Variants in PLPP4 observed in about 807,000 individuals in gnomAD.
PLPP4 encodes phospholipid phosphatase 4, also known as diacylglycerol pyrophosphate like 2.
Under a neutral mutation model 32.2 loss-of-function variants are expected in PLPP4, and 20 were observed. The ratio of observed to expected loss-of-function variants is 0.62; its 90% CI spans 0.44 to 0.90. The LOEUF is 0.90. PLPP4 is among the 40% of genes least tolerant of loss of function. PLPP4 has a pLI of 0.00. For missense variants in PLPP4, 257 were observed against 353.1 expected (o/e 0.73, Z 2.18); for synonymous variants, 127 against 133.0 (o/e 0.95, Z 0.31).
Position 120,575,234 on chromosome 10 carries a change from C to T in PLPP4, c.549C>T (p.Ile183=). The change falls in exon 6 of 7, where the codon ATC becomes ATT. Residue 183 remains isoleucine (I), a synonymous_variant. Transcript: ENST00000398250. ...RGKSWRLCAA[I]LPLYCAMMIA... is the part of the protein sequence containing the mutation. ...AGAGCTGGCGGCTCTGTGCTGCCAT[C>T]CTGCCCTTGTACTGCGCCATGATGA... The T allele has an allele frequency of 6.2e-7, 1 of 1,614,140 alleles. No individual in the cohort carries two copies. Among genetic ancestry groups the T allele is most frequent in the Non-Finnish European group, 8.5e-7 (1 of 1,180,034 alleles).
chr10:120,571,953 A>G (rs1848960180), intron 5 of PLPP4, among the ~76,000 whole-genome samples: 1 of 152,202 alleles, frequency 6.6e-6, no homozygotes, highest in Admixed American at 6.5e-5. Flanking sequence ...TTGGAGCCTC[A>G]TTGTGTAACT....
At chr10:120,531,634 A>T (rs1405438385) in intron 5 of PLPP4, among the ~76,000 whole-genome samples, 2 of 151,822 alleles carry the variant, frequency 1.3e-5, no homozygotes, top group East Asian at 1.9e-4. Context: ...TTTGAAGTTC[A>T]TTTTTTTCAT....
intron 5 of PLPP4, among the ~76,000 whole-genome samples, chr10:120,521,317 A>C (rs1242555457): frequency 1.3e-5 from 2 of 152,174 alleles, no homozygotes; most frequent in East Asian, 1.9e-4. Context: ...TGTTGCTTTC[A>C]TGAGCTTGGC....
intron 1 of PLPP4, among the ~76,000 whole-genome samples, chr10:120,470,736 A>T (rs563937459): frequency 1.3e-5 from 2 of 152,008 alleles, no homozygotes; most frequent in East Asian, 3.9e-4. Flanking sequence ...TTGTAATTTC[A>T]TAGTATTTTT....
chr10:120,557,617 G>T (rs949045530), intron 5 of PLPP4, among the ~76,000 whole-genome samples: 2 of 152,082 alleles, frequency 1.3e-5, no homozygotes, highest in African/African-American at 4.8e-5. Context: ...GCTATGTAAA[G>T]CCTCCCTAAT....
At chr10:120,457,819 A>G (rs1847860422) in intron 1 of PLPP4, among the ~76,000 whole-genome samples, 1 of 151,604 alleles carries the variant, frequency 6.6e-6, no homozygotes, top group African/African-American at 2.4e-5. Flanking sequence ...CCCTGGCTTT[A>G]GCGCCCGCGG....
chr10:120,507,402 T>A (rs143625235), intron 2 of PLPP4, among the ~76,000 whole-genome samples: 359 of 151,968 alleles, frequency 2.4e-3, no homozygotes, highest in African/African-American at 8.0e-3. Flanking sequence ...ATCATCATCA[T>A]CAACAACAGT....
chr10:120,570,253 G>A (rs1269305490), intron 5 of PLPP4, among the ~76,000 whole-genome samples: 2 of 151,946 alleles, frequency 1.3e-5, no homozygotes. Flanking sequence ...AGGCAGGCTT[G>A]TTTCCCACAT....
intron 6 of PLPP4, among the ~76,000 whole-genome samples, chr10:120,584,510 C>T (rs1057439433): frequency 1.3e-5 from 2 of 152,184 alleles, no homozygotes; most frequent in Admixed American, 1.3e-4. Context: ...ATCAGTGCTA[C>T]GTAAGGAGAC....
chr10:120,490,584 G>A (rs1186913459), intron 1 of PLPP4, among the ~76,000 whole-genome samples: 2 of 152,234 alleles, frequency 1.3e-5, no homozygotes, highest in Non-Finnish European at 1.5e-5. Context: ...ATCATGGGCT[G>A]TATTTGTGGC....
At position 120,591,330 on chromosome 10, in the gene PLPP4, C is replaced by T. The variant is rs1372272938; in HGVS notation, c.*1828C>T. On this transcript the variant is annotated 3_prime_UTR_variant, in exon 7 of 7. Transcript: ENST00000398250. ...CTTTGGCACGGTCATGTGATTGTCC[C>T]CTGGATGGAGTGGGAGAGGGGGAGG... 6.6e-6 allele frequency among the ~76,000 whole-genome samples: 1 copy of T among 152,030 alleles called. No homozygotes were observed. The highest frequency in any genetic ancestry group is 1.9e-4 in the East Asian group (1 of 5,186).
In PLPP4 at chr10:120,457,232, G is replaced by C. The variant is rs1375133807; in HGVS notation, c.-74G>C. ...CCTCCCTCGCCTCCCAGGGTCTGGCGAGCCGGCGCCGGCCGAGCTGCGGGA... is the reference window on the plus strand; with the variant it reads ...CCTCCCTCGCCTCCCAGGGTCTGGCCAGCCGGCGCCGGCCGAGCTGCGGGA... On this transcript the variant is annotated 5_prime_UTR_variant, in exon 1 of 7. Coordinates refer to ENST00000398250, the MANE Select transcript of PLPP4 (RefSeq NM_001030059.3). 1 of 1,277,482 alleles carries C rather than the reference G, an allele frequency of 7.8e-7. No homozygotes were observed. The highest frequency in any genetic ancestry group is 1.0e-6 in the Non-Finnish European group (1 of 975,048). 79.1% of individuals were successfully genotyped at this position (1,277,482 alleles called of 1,614,324 possible). A position where few individuals can be genotyped will look rare whatever the true frequency, so the allele number is the denominator to read the frequency against.
Position 120,571,288 on chromosome 10 carries a change from T to G in PLPP4, c.446-3843T>G, listed in dbSNP as rs76253912. On this transcript the variant is annotated intron_variant, in intron 5 of 6. Transcript: ENST00000398250. ...ATATGAGCACATTTGTCCTGTCTTA[T>G]AATCCCCATGTTTAAAAATGTTTAA... Among the ~76,000 whole-genome samples the G allele has an allele frequency of 5.7e-3, 861 of 152,174 alleles. 8 individuals carry two copies. The highest frequency in any genetic ancestry group is 0.02 in the African/African-American group (820 of 41,510).
At chr10:120,581,413 C>A in intron 6 of PLPP4, 1 of 594,268 alleles carries the variant, frequency 1.7e-6, no homozygotes, top group Non-Finnish European at 2.1e-6. Context: ...TGGCCCTCAA[C>A]TGCATTTGGA....
At chr10:120,584,926 C>G (rs987127150) in intron 6 of PLPP4, among the ~76,000 whole-genome samples, 2 of 152,216 alleles carry the variant, frequency 1.3e-5, no homozygotes, top group African/African-American at 4.8e-5. Context: ...CATTTCCATG[C>G]ATGCTGCTAT....
chr10:120,544,519 C>T (rs75589980), intron 5 of PLPP4, among the ~76,000 whole-genome samples: 8,008 of 152,240 alleles, frequency 0.053, 310 homozygotes, highest in South Asian at 0.2. Flanking sequence ...GCTCACACCC[C>T]CACCTTCTAG....
At chr10:120,516,987 G>A (rs4752426) in intron 3 of PLPP4, among the ~76,000 whole-genome samples, 145,978 of 152,284 alleles carry the variant, frequency 0.96, 70,141 homozygotes, top group Non-Finnish European at 1. Context: ...ATTAGACAGG[G>A]AAGTTGCCAA....
In PLPP4 at chr10:120,501,356, T is replaced by C. The variant is rs7083236; in HGVS notation, c.57-2462T>C. ...GAGCAGGGAGTAGGTTGTCACAAAA[T>C]CAAACAAAGACCGAAAACTGTCTAG... On this transcript the variant is annotated intron_variant, in intron 1 of 6. Transcript: ENST00000398250. Among the ~76,000 whole-genome samples the C allele has an allele frequency of 8.4e-3, 1,278 of 152,274 alleles. 14 individuals carry two copies. Among genetic ancestry groups the C allele is most frequent in the African/African-American group, 0.029 (1,220 of 41,552 alleles).
intron 3 of PLPP4, among the ~76,000 whole-genome samples, chr10:120,515,817 T>C (rs926548193): frequency 4.6e-5 from 7 of 152,204 alleles, no homozygotes; most frequent in Non-Finnish European, 1.0e-4. Context: ...TTTATTCTAG[T>C]GGCTCCCCTG....
Sources: gnomAD v4.1 joint callset for allele counts (sites outside exome capture counted in the v4.1 genomes callset) on GRCh38, gnomAD v4.1.1 for gene constraint, MANE v1.5 for transcripts, NCBI Gene and HGNC (gene_info 2026-07-23, HGNC 2026-07-21) for gene names.